RBM46: variants seen among roughly 807,000 people sequenced by gnomAD.
The protein encoded by RBM46 is probable RNA-binding protein 46.
RBM46 carries 12 observed loss-of-function variants against 43.3 expected under a neutral mutation model. The observed-to-expected ratio is 0.28, with a 90% CI of 0.18 to 0.45. The LOEUF (loss-of-function observed/expected upper bound fraction) is 0.45, where lower values mean the gene tolerates loss of function less well. Among genes scored for constraint, RBM46 ranks in the 20% least tolerant of loss-of-function variants. The pLI, the probability that RBM46 is intolerant of heterozygous loss-of-function variation, is 1.00. For synonymous variants in RBM46, 205 were observed against 207.6 expected (o/e 0.99, Z 0.11); for missense variants, 412 against 639.1 (o/e 0.64, Z 3.83).
chr4:154,811,558 A>G (rs759140253), intron 4 of RBM46, among the ~76,000 whole-genome samples: 1 of 152,168 alleles, frequency 6.6e-6, no homozygotes, highest in Non-Finnish European at 1.5e-5. Context: ...TATAAATATT[A>G]GAAATAATAA....
Position 154,813,508 on chromosome 4 carries a change from A to G in RBM46, c.1402+13944A>G, listed in dbSNP as rs372276653. Among the ~76,000 whole-genome samples, 78 of 152,214 alleles carry G rather than the reference A, an allele frequency of 5.1e-4. 3 individuals are homozygous for G. The South Asian group carries it at 0.016, about 32-fold the overall frequency. Reference sequence around the variant, plus strand: ...CCTCTGAGAAAACCTTTGTGTTTATATCAACCAAATACAGTATAGAATATA... The same window carrying G: ...CCTCTGAGAAAACCTTTGTGTTTATGTCAACCAAATACAGTATAGAATATA... On this transcript the variant is annotated intron_variant, in intron 4 of 4. Transcript: ENST00000281722.
At position 154,798,049 on chromosome 4, in the gene RBM46, G is replaced by A. The variant is rs1351007815; in HGVS notation, c.390G>A (p.Lys130=). 6.2e-7 allele frequency: 1 copy of A among 1,613,884 alleles called. No homozygotes were observed. Among genetic ancestry groups the A allele is most frequent in the Middle Eastern group, 1.6e-4 (1 of 6,062 alleles). Residue 130 remains lysine (K), a synonymous_variant, in exon 3 of 5, where the codon AAG becomes AAA. Coordinates refer to ENST00000281722, the MANE Select transcript of RBM46 (RefSeq NM_144979.5). ...ILNNYEIRPG[K]FIGVCVSLDN... ...ATAATTATGAAATTCGACCAGGGAAGTTTATTGGTGTGTGTGTAAGCCTGG... is the reference window on the plus strand; with the variant it reads ...ATAATTATGAAATTCGACCAGGGAAATTTATTGGTGTGTGTGTAAGCCTGG...
At chr4:154,787,014 T>A (rs1459550611) in intron 1 of RBM46, 1 of 152,146 alleles carries the variant, frequency 6.6e-6, no homozygotes, top group African/African-American at 2.4e-5. Flanking sequence ...CATATTGAAA[T>A]GAATAAGAAA....
At position 154,815,157 on chromosome 4, in the gene RBM46, G is replaced by A. The variant is rs200749181; in HGVS notation, c.1403-12711G>A. ...TTGATTCATACTATTTCAGGTAGCA[G>A]TACTGTTCATTTGCTGTCATTGATA... is the stretch of plus-strand genomic sequence containing the variant. On this transcript the variant is annotated intron_variant, in intron 4 of 4. Transcript: ENST00000281722. 2.0e-5 allele frequency among the ~76,000 whole-genome samples: 3 copies of A among 152,134 alleles called. No individual in the cohort carries two copies. The East Asian group carries it at 5.8e-4, about 29-fold the overall frequency.
chr4:154,793,470 A>G (rs1734200017), intron 1 of RBM46, among the ~76,000 whole-genome samples: 1 of 152,214 alleles, frequency 6.6e-6, no homozygotes, highest in African/African-American at 2.4e-5. Flanking sequence ...CATACATGCT[A>G]GCAGTGTATG....
At chr4:154,825,743 G>A (rs556178121) in intron 4 of RBM46, among the ~76,000 whole-genome samples, 5 of 152,270 alleles carry the variant, frequency 3.3e-5, no homozygotes, top group Non-Finnish European at 5.9e-5. Flanking sequence ...TTGGCTATCT[G>A]CTTTCTGAAA....
rs1459668334 is a variant in RBM46, at chr4:154,813,658, G to A, written c.1402+14094G>A. On this transcript the variant is annotated intron_variant, in intron 4 of 4. Coordinates refer to ENST00000281722, the MANE Select transcript of RBM46 (RefSeq NM_144979.5). ...AGGAAATGTCAGTCGCTTATTGTAT[G>A]TTATTTCTAATCTTAGTTTATTACT... Among the ~76,000 whole-genome samples the A allele has an allele frequency of 2.0e-5, 3 of 152,078 alleles. No homozygotes were observed. In the East Asian group the frequency reaches 5.8e-4, roughly 29 times the overall value.
chr4:154,818,026 T>C (rs1735540764), intron 4 of RBM46, among the ~76,000 whole-genome samples: 1 of 152,124 alleles, frequency 6.6e-6, no homozygotes, highest in African/African-American at 2.4e-5. Context: ...CTTTCATTTC[T>C]TTTACAATTT....
At chr4:154,813,496 C>CT (rs1300943801) in intron 4 of RBM46, among the ~76,000 whole-genome samples, 2 of 151,826 alleles carry the variant, frequency 1.3e-5, no homozygotes, top group Admixed American at 1.3e-4. Context: ...CTGAGAAAAC[C>CT]TTTGTGTTTA....
chr4:154,815,972 T>G (rs1735423114), intron 4 of RBM46, among the ~76,000 whole-genome samples: 1 of 152,088 alleles, frequency 6.6e-6, no homozygotes, highest in African/African-American at 2.4e-5. Context: ...AACACCATTT[T>G]TTGAAGACTT....
At chr4:154,782,473 TTTTTTTGTTTTG>T (rs917430994) in intron 1 of RBM46, among the ~76,000 whole-genome samples, 5 of 151,896 alleles carry the variant, frequency 3.3e-5, no homozygotes, top group East Asian at 1.9e-4. Context: ...TCATAAGGAG[TTTTTTTGTTTTG>T]TTTTTTGTTT....
chr4:154,801,975 A>G (rs968646325), intron 4 of RBM46, among the ~76,000 whole-genome samples: 4 of 152,226 alleles, frequency 2.6e-5, no homozygotes, highest in Non-Finnish European at 5.9e-5. Context: ...TCAACCTTGT[A>G]TCAATGCTGA....
chr4:154,793,144 T>C (rs1244748056), intron 1 of RBM46, among the ~76,000 whole-genome samples: 1 of 152,238 alleles, frequency 6.6e-6, no homozygotes, highest in Non-Finnish European at 1.5e-5. Flanking sequence ...TTCTACTTGC[T>C]CTTTCTCACG....
At chr4:154,815,052 G>A (rs973783087) in intron 4 of RBM46, among the ~76,000 whole-genome samples, 2 of 151,866 alleles carry the variant, frequency 1.3e-5, no homozygotes, top group Middle Eastern at 3.2e-3. Flanking sequence ...CCACTCCTCT[G>A]ACTTATTCTA....
chr4:154,803,250 C>T (rs945085970), intron 4 of RBM46, among the ~76,000 whole-genome samples: 1 of 151,868 alleles, frequency 6.6e-6, no homozygotes, highest in Non-Finnish European at 1.5e-5. Context: ...AGCAAAATAC[C>T]CTTAATAAAA....
intron 1 of RBM46, among the ~76,000 whole-genome samples, chr4:154,794,042 T>A (rs1308197794): frequency 6.6e-6 from 1 of 152,234 alleles, no homozygotes; most frequent in African/African-American, 2.4e-5. Context: ...ACTTGCCTGT[T>A]TATCTCACAG....
chr4:154,809,690 TC>T (rs1280930510), intron 4 of RBM46, among the ~76,000 whole-genome samples: 1 of 152,130 alleles, frequency 6.6e-6, no homozygotes, highest in East Asian at 1.9e-4. Context: ...TGACATTGTT[TC>T]ATACTGATGC....
At chr4:154,824,196 G>A (rs561284738) in intron 4 of RBM46, among the ~76,000 whole-genome samples, 1 of 152,010 alleles carries the variant, frequency 6.6e-6, no homozygotes, top group African/African-American at 2.4e-5. Context: ...AGGTTGGAAT[G>A]GGTATGATTA....
chr4:154,806,335 T>A (rs1282030170), intron 4 of RBM46, among the ~76,000 whole-genome samples: 1 of 151,878 alleles, frequency 6.6e-6, no homozygotes. Context: ...ACAAATTGTG[T>A]GACCTTAGAA....
Sources: gnomAD v4.1 joint callset for allele counts (sites outside exome capture counted in the v4.1 genomes callset) on GRCh38, gnomAD v4.1.1 for gene constraint, MANE v1.5 for transcripts, NCBI Gene and HGNC (gene_info 2026-07-23, HGNC 2026-07-21) for gene names.